CACNA1C: variants seen among roughly 807,000 people sequenced by gnomAD.
CACNA1C encodes calcium voltage-gated channel subunit alpha1 C.
Under a neutral mutation model 229.0 loss-of-function variants are expected in CACNA1C, and 30 were observed. That is an observed-to-expected ratio of 0.13 (90% CI 0.10 to 0.18). The LOEUF is 0.18. Ranked by LOEUF, CACNA1C falls within the 10% of genes least tolerant of loss-of-function variation. The pLI is 1.00. For missense variants in CACNA1C, 1,658 were observed against 2,845.0 expected, an observed-to-expected ratio of 0.58 and a Z score of 9.49; for synonymous variants, 1,114 against 1,132.5, an observed-to-expected ratio of 0.98 and a Z score of 0.33.
chr12:2,350,581 G>A (rs1044012634), intron 3 of CACNA1C, among the ~76,000 whole-genome samples: 1 of 152,212 alleles, frequency 6.6e-6, no homozygotes, highest in South Asian at 2.1e-4. Flanking sequence ...AAGAGGAAGT[G>A]TGCTGGGCTG....
intron 3 of CACNA1C, among the ~76,000 whole-genome samples, chr12:2,304,356 TCAC>T (rs1230677649): frequency 6.6e-6 from 1 of 152,112 alleles, no homozygotes; most frequent in Non-Finnish European, 1.5e-5. Context: ...GGGTCAGGCT[TCAC>T]CAAGCAAGCC....
At position 2,592,527 on chromosome 12, in the gene CACNA1C, T is replaced by C. The variant is rs141122223; in HGVS notation, c.2531-686T>C. Among the ~76,000 whole-genome samples, 63 of 152,276 alleles carry C rather than the reference T, an allele frequency of 4.1e-4. 2 individuals carry two copies. Among genetic ancestry groups the C allele is most frequent in the African/African-American group, 1.5e-3 (62 of 41,564 alleles). On this transcript the variant is annotated intron_variant, in intron 18 of 46. Transcript: ENST00000399655. ...AGCCCAGGATGGGCAGTGCTTCCCG[T>C]CATGAGCGTTGTGCTGGCAAGCACA... is the stretch of plus-strand genomic sequence containing the variant.
intron 13 of CACNA1C, among the ~76,000 whole-genome samples, chr12:2,578,299 T>A (rs1156274840): frequency 6.6e-6 from 1 of 152,148 alleles, no homozygotes; most frequent in Non-Finnish European, 1.5e-5. Flanking sequence ...CAGCATGGCC[T>A]TGGTCAGGCA....
At chr12:2,198,182 C>G (rs2097470813) in intron 3 of CACNA1C, among the ~76,000 whole-genome samples, 3 of 152,180 alleles carry the variant, frequency 2.0e-5, no homozygotes, top group Admixed American at 2.0e-4. Context: ...AGGGCATCCT[C>G]AGGAAGCAAG....
intron 3 of CACNA1C, among the ~76,000 whole-genome samples, chr12:2,253,355 C>T (rs1315060150): frequency 6.6e-6 from 1 of 152,168 alleles, no homozygotes; most frequent in Non-Finnish European, 1.5e-5. Context: ...CTATATCTTA[C>T]TTCTTAATTG....
rs886049251 is a variant in CACNA1C, at chr12:2,697,790, A to G, written c.*6591A>G. 4.3e-4 allele frequency: 66 copies of G among 152,718 alleles called. No homozygotes were observed. The highest frequency in any genetic ancestry group is 1.5e-3 in the African/African-American group (61 of 41,576). The allele number at this position is 152,718 out of a possible 1,614,324, so 9.5% of individuals were successfully genotyped here. The stretch of plus-strand genomic sequence containing the variant: ...CCTCGAGAAAGGCCAGGGAATCTAG[A>G]AGGGGCAACCCTTCAAGGAGAGCTT... On this transcript the variant is annotated 3_prime_UTR_variant, in exon 47 of 47. Transcript: ENST00000399655.
At chr12:2,648,385 G>A in intron 30 of CACNA1C, 90 bp from the exon 31 acceptor site, 1 of 1,208,974 alleles carries the variant, frequency 8.3e-7, no homozygotes, top group Non-Finnish European at 1.2e-6. Context: ...TTCTGCCACT[G>A]TGTTGCTCCC....
intron 3 of CACNA1C, among the ~76,000 whole-genome samples, chr12:2,239,780 T>TG (rs1289450103): frequency 6.6e-6 from 1 of 152,138 alleles, no homozygotes; most frequent in African/African-American, 2.4e-5. Context: ...GCTCAGCCAT[T>TG]GCGCCCATCT....
intron 3 of CACNA1C, among the ~76,000 whole-genome samples, chr12:2,405,331 G>A (rs1463357655): frequency 6.6e-6 from 1 of 152,112 alleles, no homozygotes; most frequent in Non-Finnish European, 1.5e-5. Context: ...ATCATATGTA[G>A]GTTCATGTGA....
intron 3 of CACNA1C, among the ~76,000 whole-genome samples, chr12:2,408,205 C>T (rs185547942): frequency 1.2e-3 from 177 of 152,270 alleles, no homozygotes; most frequent in African/African-American, 4.1e-3. Flanking sequence ...TTCACAGAGA[C>T]AAAGAGTAGA....
intron 7 of CACNA1C, among the ~76,000 whole-genome samples, chr12:2,495,594 G>A (rs1338574870): frequency 6.6e-6 from 1 of 152,210 alleles, no homozygotes; most frequent in Admixed American, 6.5e-5. Flanking sequence ...CAGCCGGGGC[G>A]GGGAGCAGAA....
chr12:2,475,027 C>T (rs961313039), intron 5 of CACNA1C, among the ~76,000 whole-genome samples: 7 of 152,122 alleles, frequency 4.6e-5, no homozygotes, highest in Non-Finnish European at 8.8e-5. Context: ...TGGCTGGGCG[C>T]GGTGGCTCAC....
At chr12:2,031,993 T>TTGTGTG (rs60474439) in intron 1 of CACNA1C, among the ~76,000 whole-genome samples, 1 of 150,940 alleles carries the variant, frequency 6.6e-6, no homozygotes, top group South Asian at 2.1e-4. Context: ...GTGAGTGTGT[T>TTGTGTG]TGTGTGTGTG....
chr12:2,611,932 C>T lies in CACNA1C; in HGVS notation c.3747C>T (p.Ile1249=), dbSNP rs370576211. 89 of 1,613,346 alleles carry T rather than the reference C, an allele frequency of 5.5e-5. No individual in the cohort carries two copies. The African/African-American group carries it at 9.7e-4, about 18-fold the overall frequency. The change falls in exon 29 of 47, where the codon ATC becomes ATT. Residue 1249 remains isoleucine (I), a synonymous_variant. Transcript: ENST00000399655. ...QHYGQSCLFK[I]AMNILNMLFT... ...ACGGCCAGAGCTGCCTGTTCAAAAT[C>T]GCCATGAACATCCTCAACATGCTCT...
At chr12:2,452,074 TC>T (rs1350689849) in intron 4 of CACNA1C, among the ~76,000 whole-genome samples, 1 of 152,176 alleles carries the variant, frequency 6.6e-6, no homozygotes, top group African/African-American at 2.4e-5. Context: ...ATATCTGCTA[TC>T]CTTGGCCCCT....
At chr12:2,001,551 A>C (rs1188224808) in intron 1 of CACNA1C, among the ~76,000 whole-genome samples, 1 of 152,208 alleles carries the variant, frequency 6.6e-6, no homozygotes, top group Non-Finnish European at 1.5e-5. Flanking sequence ...CTCTATTTTA[A>C]CTTGATTATT....
intron 1 of CACNA1C, among the ~76,000 whole-genome samples, chr12:1,976,176 T>G (rs1006608279): frequency 3.3e-5 from 5 of 152,186 alleles, no homozygotes; most frequent in Non-Finnish European, 5.9e-5. Context: ...TCATTTTGGA[T>G]TAAAGGTCAC....
At chr12:2,289,686 C>T (rs1446946654) in intron 3 of CACNA1C, among the ~76,000 whole-genome samples, 5 of 151,858 alleles carry the variant, frequency 3.3e-5, no homozygotes, top group African/African-American at 9.7e-5. Flanking sequence ...TTAAACCAGG[C>T]GTTACGTGAT....
intron 3 of CACNA1C, among the ~76,000 whole-genome samples, chr12:2,223,700 A>G (rs902681670): frequency 6.6e-6 from 1 of 152,164 alleles, no homozygotes; most frequent in Non-Finnish European, 1.5e-5. Flanking sequence ...CCTTCCTCTT[A>G]TAGAGTTGTT....
Sources: allele counts gnomAD v4.1 joint callset (sites outside exome capture counted in the v4.1 genomes callset), GRCh38; gene constraint gnomAD v4.1.1; transcripts MANE v1.5; gene names NCBI Gene and HGNC (gene_info 2026-07-23, HGNC 2026-07-21).